Variants in TNKS observed in about 807,000 individuals in gnomAD.
TNKS encodes tankyrase.
TNKS carries 72 observed loss-of-function variants against 135.8 expected under a neutral mutation model. The ratio of observed to expected loss-of-function variants is 0.53; its 90% CI spans 0.44 to 0.64. TNKS has a LOEUF of 0.64. TNKS is among the 30% of genes least tolerant of loss of function. The pLI, the probability that TNKS is intolerant of heterozygous loss-of-function variation, is 0.00. For synonymous variants in TNKS, 849 were observed against 649.3 expected (o/e 1.31, Z -4.68); for missense variants, 1,769 against 1,674.0 (o/e 1.06, Z -0.99).
chr8:9,576,922 A>T (rs1294091174), intron 1 of TNKS, among the ~76,000 whole-genome samples: 1 of 152,172 alleles, frequency 6.6e-6, no homozygotes, highest in Non-Finnish European at 1.5e-5. Flanking sequence ...ATAGAAACAC[A>T]AGTGTTTAAA....
intron 20 of TNKS, among the ~76,000 whole-genome samples, chr8:9,753,790 T>G (rs1188351907): frequency 6.6e-6 from 1 of 152,196 alleles, no homozygotes; most frequent in African/African-American, 2.4e-5. Flanking sequence ...TGCTTGTAAC[T>G]TAAAGTGTGC....
intron 2 of TNKS, among the ~76,000 whole-genome samples, chr8:9,609,819 C>G (rs1400305288): frequency 6.6e-6 from 1 of 152,142 alleles, no homozygotes; most frequent in African/African-American, 2.4e-5. Flanking sequence ...AGTAAGCCAT[C>G]CTATATAGGG....
At chr8:9,775,049 T>C (rs907443535) in intron 26 of TNKS, among the ~76,000 whole-genome samples, 3 of 152,106 alleles carry the variant, frequency 2.0e-5, no homozygotes, top group African/African-American at 4.8e-5. Context: ...TCTTATGTGG[T>C]AGATGCTCAA....
chr8:9,565,905 G>A lies in TNKS; in HGVS notation c.673+9293G>A, dbSNP rs1295927905. 2.0e-5 allele frequency among the ~76,000 whole-genome samples: 3 copies of A among 152,012 alleles called. No homozygotes were observed. In the East Asian group the frequency reaches 5.8e-4, roughly 29 times the overall value. On this transcript the variant is annotated intron_variant, in intron 1 of 26. Transcript: ENST00000310430. ...ATAAAAATAAACTAAACTCCCTGAT[G>A]CCTTGTTAAAGTGTGTGTATACACA...
At chr8:9,568,364 A>G (rs1797629975) in intron 1 of TNKS, among the ~76,000 whole-genome samples, 1 of 152,226 alleles carries the variant, frequency 6.6e-6, no homozygotes, top group Non-Finnish European at 1.5e-5. Flanking sequence ...GAAAGCTTAT[A>G]GTAAAAATGC....
intron 2 of TNKS, among the ~76,000 whole-genome samples, chr8:9,607,172 G>A (rs1000140099): frequency 6.6e-6 from 1 of 152,116 alleles, no homozygotes; most frequent in Non-Finnish European, 1.5e-5. Flanking sequence ...CAAGCTTACT[G>A]CATGTTAGCA....
chr8:9,741,634 T>G, intron 17 of TNKS: 2 of 479,420 alleles, frequency 4.2e-6, no homozygotes, highest in Non-Finnish European at 9.0e-6. Context: ...ATTTATAAAC[T>G]AAGTATTTTA....
chr8:9,658,806 C>G (rs1414380292), intron 3 of TNKS, among the ~76,000 whole-genome samples: 1 of 152,172 alleles, frequency 6.6e-6, no homozygotes, highest in African/African-American at 2.4e-5. Context: ...GATAAAGAGT[C>G]AAGACCCATC....
chr8:9,703,116 C>T (rs949843309), intron 5 of TNKS, among the ~76,000 whole-genome samples: 14 of 152,080 alleles, frequency 9.2e-5, no homozygotes, highest in Non-Finnish European at 1.9e-4. Context: ...TTCAGGAGCC[C>T]GGTAGATGCC....
chr8:9,746,404 C>G (rs1266519511), intron 17 of TNKS, among the ~76,000 whole-genome samples: 1 of 152,112 alleles, frequency 6.6e-6, no homozygotes. Context: ...CTATGTGGAG[C>G]TCTTGCTTGA....
intron 25 of TNKS, among the ~76,000 whole-genome samples, chr8:9,768,026 G>A (rs536622100): frequency 6.6e-6 from 1 of 151,654 alleles, no homozygotes; most frequent in Non-Finnish European, 1.5e-5. Context: ...GTATTTTTGG[G>A]TTTTTTTGTT....
chr8:9,664,513 G>A (rs1585299630), intron 3 of TNKS, among the ~76,000 whole-genome samples: 1 of 152,156 alleles, frequency 6.6e-6, no homozygotes, highest in Non-Finnish European at 1.5e-5. Context: ...CATTCAAACT[G>A]TAGCACGTTA....
chr8:9,709,104 T>G, intron 9 of TNKS, among the ~76,000 whole-genome samples: 1 of 152,210 alleles, frequency 6.6e-6, no homozygotes, highest in East Asian at 1.9e-4. Context: ...AATTTAAGCA[T>G]ATGTGATGCC....
chr8:9,706,803 C>T lies in TNKS; in HGVS notation c.1270-8C>T, dbSNP rs754243996. The T allele has an allele frequency of 1.3e-6, 2 of 1,580,868 alleles. No homozygotes were observed. Among genetic ancestry groups the T allele is most frequent in the South Asian group, 1.2e-5 (1 of 83,666 alleles). ...TACTGACCTAAAATGTTTTTTTTCTCAATTCAGCATGGAGCTTGTGTTAAT... is the reference window on the plus strand; with the variant it reads ...TACTGACCTAAAATGTTTTTTTTCTTAATTCAGCATGGAGCTTGTGTTAAT... On this transcript the variant is annotated splice_polypyrimidine_tract_variant and splice_region_variant and intron_variant, in intron 7 of 26. Coordinates refer to ENST00000310430, the MANE Select transcript of TNKS (RefSeq NM_003747.3).
intron 5 of TNKS, among the ~76,000 whole-genome samples, chr8:9,687,665 C>T (rs1803070001): frequency 6.6e-6 from 1 of 152,130 alleles, no homozygotes; most frequent in Non-Finnish European, 1.5e-5. Flanking sequence ...GATGATAAAA[C>T]TTAGTTGTCC....
At chr8:9,720,623 T>G in intron 12 of TNKS, 78 bp downstream of exon 12, 1 of 1,414,556 alleles carries the variant, frequency 7.1e-7, no homozygotes, top group East Asian at 2.7e-5. Flanking sequence ...AACTTTGCAG[T>G]GTTTACTTTG....
At chr8:9,668,394 C>G (rs939258708) in intron 3 of TNKS, among the ~76,000 whole-genome samples, 2 of 152,108 alleles carry the variant, frequency 1.3e-5, no homozygotes, top group Non-Finnish European at 2.9e-5. Flanking sequence ...AATTTTGCCT[C>G]TAGTTGTCAA....
intron 11 of TNKS, among the ~76,000 whole-genome samples, chr8:9,713,006 T>G (rs543940103): frequency 2.6e-4 from 40 of 152,218 alleles, no homozygotes; most frequent in Non-Finnish European, 4.7e-4. Flanking sequence ...GGTTATAATT[T>G]ACAAAGAAAT....
At chr8:9,734,738 T>G (rs1353985094) in intron 15 of TNKS, 127 bp from the exon 16 acceptor site, 11 of 794,916 alleles carry the variant, frequency 1.4e-5, no homozygotes, top group Non-Finnish European at 2.0e-5. Context: ...CAAAGTGTTT[T>G]TCAAAATGCA....
Sources: gnomAD v4.1 joint callset for allele counts (sites outside exome capture counted in the v4.1 genomes callset) on GRCh38, gnomAD v4.1.1 for gene constraint, MANE v1.5 for transcripts, NCBI Gene and HGNC (gene_info 2026-07-23, HGNC 2026-07-21) for gene names.